The following CA14 variants were observed in gnomAD, a reference collection of about 807,000 sequenced individuals.
CA14 encodes CA-XIV.
In CA14, 44 loss-of-function variants were observed where a neutral mutation model predicts 48.8. That is an observed-to-expected ratio of 0.90 (90% CI 0.71 to 1.16). CA14 has a LOEUF of 1.16. Ranked by LOEUF, CA14 falls within the 50% of genes most tolerant of loss-of-function variation. The pLI is 0.00. For missense variants in CA14, 386 were observed against 401.0 expected, an observed-to-expected ratio of 0.96 and a Z score of 0.32; for synonymous variants, 154 against 155.0, an observed-to-expected ratio of 0.99 and a Z score of 0.05.
At chr1:150,264,112 G>A (rs187884590) in intron 10 of CA14, among the ~76,000 whole-genome samples, 51 of 152,066 alleles carry the variant, frequency 3.4e-4, no homozygotes, top group African/African-American at 1.2e-3. Flanking sequence ...TTTTAGTAGA[G>A]ACAAGGTTTC....
intron 2 of CA14, 64 bp downstream of exon 2, chr1:150,260,235 G>A (rs1167027996): frequency 1.3e-6 from 2 of 1,523,410 alleles, no homozygotes; most frequent in East Asian, 4.5e-5. Context: ...CTGGCAGGAA[G>A]ACACACTGTG....
intron 2 of CA14, 168 bp downstream of exon 2, chr1:150,260,339 C>A (rs1650906229): frequency 1.4e-6 from 1 of 723,634 alleles, no homozygotes. Flanking sequence ...CTCCTAGATC[C>A]TGCTCTAATC....
Position 150,264,772 on chromosome 1 carries a change from TCCTCCTTCC to T in CA14, c.*117_*125del. ...ACACTGTAGGAGTAGTAAGCAGATG[TCCTCCTTCC>T]CCTGGACATCTCCTAGAGAGGAATG... On this transcript the variant is annotated 3_prime_UTR_variant, in exon 11 of 11. Coordinates refer to ENST00000369111, the MANE Select transcript of CA14 (RefSeq NM_012113.3). The T allele has an allele frequency of 2.8e-6, 2 of 701,876 alleles. No homozygotes were observed. Among genetic ancestry groups the T allele is most frequent in the Non-Finnish European group, 4.7e-6 (2 of 423,648 alleles). 43.5% of individuals were successfully genotyped at this position (701,876 alleles called of 1,614,324 possible).
At chr1:150,263,731 G>A (rs782155166) in intron 9 of CA14, 52 bp downstream of exon 9, 1 of 1,612,520 alleles carries the variant, frequency 6.2e-7, no homozygotes, top group Non-Finnish European at 8.5e-7. Context: ...CTCACCGAGT[G>A]GGGGAAAGGC....
chr1:150,263,453 T>C (rs782702778), intron 8 of CA14, 34 bp downstream of exon 8: 19 of 1,611,880 alleles, frequency 1.2e-5, no homozygotes, highest in Non-Finnish European at 1.6e-5. Flanking sequence ...GATGGGAAAC[T>C]GAGGGGGACA....
In CA14 at chr1:150,263,779, C is replaced by G; in HGVS notation, c.863-15C>G. The G allele has an allele frequency of 5.0e-6, 8 of 1,613,326 alleles. No individual in the cohort carries two copies. Among genetic ancestry groups the G allele is most frequent in the Non-Finnish European group, 6.8e-6 (8 of 1,179,268 alleles). The stretch of plus-strand genomic sequence containing the variant: ...TTAGTCCTAGGCTGACACCTTTTAC[C>G]TTTATCTCCCCCAGGTGAAATGCTG... On this transcript the variant is annotated splice_polypyrimidine_tract_variant and intron_variant, in intron 9 of 10. Coordinates refer to ENST00000369111, the MANE Select transcript of CA14 (RefSeq NM_012113.3).
Position 150,258,051 on chromosome 1 carries a change from C to A in CA14, c.-78C>A. On this transcript the variant is annotated 5_prime_UTR_variant, in exon 1 of 11. Coordinates refer to ENST00000369111, the MANE Select transcript of CA14 (RefSeq NM_012113.3). ...CGCTCTCTCTCTCTCTCTCTCACTC[C>A]TCCCTCCCTCTCTCTCTGCCTGTCC... 4 of 1,074,530 alleles carry A rather than the reference C, an allele frequency of 3.7e-6. No individual in the cohort carries two copies. Among genetic ancestry groups the A allele is most frequent in the Middle Eastern group, 6.0e-4 (2 of 3,342 alleles). 66.6% of individuals were successfully genotyped at this position (1,074,530 alleles called of 1,614,324 possible). A position where few individuals can be genotyped will look rare whatever the true frequency, so the allele number is the denominator to read the frequency against.
intron 5 of CA14, 40 bp downstream of exon 5, chr1:150,262,660 C>T (rs1553848166): frequency 6.7e-7 from 1 of 1,493,938 alleles, no homozygotes; most frequent in South Asian, 1.1e-5. Flanking sequence ...CTCTCCACTT[C>T]CTCTGCAACC....
Position 150,261,453 on chromosome 1 carries a change from C to A in CA14, c.77-6C>A. The A allele has an allele frequency of 1.9e-6, 3 of 1,613,128 alleles. No individual in the cohort carries two copies. Among genetic ancestry groups the A allele is most frequent in the Non-Finnish European group, 2.5e-6 (3 of 1,179,374 alleles). On this transcript the variant is annotated splice_region_variant and splice_polypyrimidine_tract_variant and intron_variant, in intron 2 of 10. Coordinates refer to ENST00000369111, the MANE Select transcript of CA14 (RefSeq NM_012113.3). Reference sequence around the variant, plus strand: ...CAGGACCAATGTCTTTGGTAACCCCCACCAGGCCCACATGGTCAGGACCAT... The same window carrying A: ...CAGGACCAATGTCTTTGGTAACCCCAACCAGGCCCACATGGTCAGGACCAT...
intron 3 of CA14, among the ~76,000 whole-genome samples, chr1:150,261,869 C>A (rs1651065829): frequency 6.6e-6 from 1 of 152,202 alleles, no homozygotes; most frequent in Non-Finnish European, 1.5e-5. Flanking sequence ...TTCTCAAAAA[C>A]CTTTGTCCAT....
Position 150,258,037 on chromosome 1 carries a change from T to G in CA14, c.-92T>G, listed in dbSNP as rs1572057670. On this transcript the variant is annotated 5_prime_UTR_variant, in exon 1 of 11. Coordinates refer to ENST00000369111, the MANE Select transcript of CA14 (RefSeq NM_012113.3). The stretch of plus-strand genomic sequence containing the variant: ...GCCAGGAGCTCGCTCGCTCTCTCTC[T>G]CTCTCTCTCACTCCTCCCTCCCTCT... 1 of 906,558 alleles carries G rather than the reference T, an allele frequency of 1.1e-6. No individual in the cohort carries two copies. The highest frequency in any genetic ancestry group is 1.7e-6 in the Non-Finnish European group (1 of 603,982). The allele number at this position is 906,558 out of a possible 1,614,324, so 56.2% of individuals were successfully genotyped here.
At chr1:150,261,757 C>T in intron 3 of CA14, 119 bp downstream of exon 3, 1 of 894,762 alleles carries the variant, frequency 1.1e-6, no homozygotes, top group Non-Finnish European at 1.7e-6. Context: ...ATGTGCCGCC[C>T]TCAAATCTTG....
chr1:150,264,795 T>G lies in CA14; in HGVS notation c.*136T>G. 1.7e-6 allele frequency: 1 copy of G among 579,570 alleles called. No homozygotes were observed. Among genetic ancestry groups the G allele is most frequent in the South Asian group, 2.2e-5 (1 of 44,986 alleles). The allele number at this position is 579,570 out of a possible 1,614,324, so 35.9% of individuals were successfully genotyped here. Reference sequence around the variant, plus strand: ...TGTCCTCCTTCCCCTGGACATCTCCTAGAGAGGAATGGACCCAGGCTGTCA... The same window carrying G: ...TGTCCTCCTTCCCCTGGACATCTCCGAGAGAGGAATGGACCCAGGCTGTCA... On this transcript the variant is annotated 3_prime_UTR_variant, in exon 11 of 11. Coordinates refer to ENST00000369111, the MANE Select transcript of CA14 (RefSeq NM_012113.3).
intron 1 of CA14, among the ~76,000 whole-genome samples, chr1:150,258,872 C>T (rs1462345986): frequency 6.6e-6 from 1 of 152,158 alleles, no homozygotes; most frequent in East Asian, 1.9e-4. Flanking sequence ...GTGTCCAGCA[C>T]ATACTAGGTG....
rs1439843673 is a variant in CA14, at chr1:150,258,137, C to A, written c.9C>A (p.Phe3Leu). 2 of 1,610,632 alleles carry A rather than the reference C, an allele frequency of 1.2e-6. No homozygotes were observed. The highest frequency in any genetic ancestry group is 1.7e-6 in the Non-Finnish European group (2 of 1,177,984). Reference protein sequence around the residue: MLFSALLLEVIWI... With the variant: MLLSALLLEVIWI... ...CCCCTTCCTGGGACACTATGTTGTT[C>A]TCCGCCCTCCTGCTGGAGGTGATTT... Residue 3 changes from phenylalanine to leucine, a missense_variant, in exon 1 of 11, where the codon TTC becomes TTA. Physicochemically the swap from Phe to Leu is conservative, Grantham distance 22. Coordinates refer to ENST00000369111, the MANE Select transcript of CA14 (RefSeq NM_012113.3).
At chr1:150,261,194 G>A in intron 2 of CA14, 1 of 484,350 alleles carries the variant, frequency 2.1e-6, no homozygotes, top group Non-Finnish European at 3.7e-6. Context: ...GTAAGTAAAA[G>A]AGCTACCACT....
At chr1:150,260,253 G>A (rs1553847513) in intron 2 of CA14, 82 bp downstream of exon 2, 2 of 1,397,110 alleles carry the variant, frequency 1.4e-6, no homozygotes, top group African/African-American at 1.4e-5. Context: ...GTGCGGGTGG[G>A]AGGAGACTTC....
At chr1:150,262,107 G>T in intron 3 of CA14, 51 bp from the exon 4 acceptor site, 1 of 1,610,964 alleles carries the variant, frequency 6.2e-7, no homozygotes, top group Non-Finnish European at 8.5e-7. Context: ...CCCAGGAGTG[G>T]GAATGTATCC....
chr1:150,263,510 G>A, intron 8 of CA14, 91 bp downstream of exon 8: 1 of 1,606,632 alleles, frequency 6.2e-7, no homozygotes, highest in Non-Finnish European at 8.5e-7. Flanking sequence ...GCTAAAAGGG[G>A]AGGGGGTTTC....
Sources: gnomAD v4.1 joint callset for allele counts (sites outside exome capture counted in the v4.1 genomes callset) on GRCh38, gnomAD v4.1.1 for gene constraint, MANE v1.5 for transcripts, NCBI Gene and HGNC (gene_info 2026-07-23, HGNC 2026-07-21) for gene names.